Variants in ZFHX3 observed in about 807,000 individuals in gnomAD.
ZFHX3 encodes zinc finger homeobox protein 3.
In ZFHX3, 42 loss-of-function variants were observed where a neutral mutation model predicts 279.1. The ratio of observed to expected loss-of-function variants is 0.15; its 90% CI spans 0.12 to 0.19. The LOEUF (loss-of-function observed/expected upper bound fraction) is 0.19, where lower values mean the gene tolerates loss of function less well. Among genes scored for constraint, ZFHX3 ranks in the 10% least tolerant of loss-of-function variants. ZFHX3 has a pLI of 1.00. For missense variants in ZFHX3, 4,981 were observed against 4,754.0 expected, an observed-to-expected ratio of 1.05 and a Z score of -1.40; for synonymous variants, 2,293 against 1,957.8, an observed-to-expected ratio of 1.17 and a Z score of -4.52.
At chr16:73,787,849 G>GAA (rs1567410658) in intron 1 of ZFHX3, among the ~76,000 whole-genome samples, 1,909 of 149,222 alleles carry the variant, frequency 0.013, 24 homozygotes, top group African/African-American at 0.045. Context: ...GTGTGTGTGT[G>GAA]TGTGAAAGAG....
chr16:73,549,996 T>G (rs1465685484), intron 2 of ZFHX3, among the ~76,000 whole-genome samples: 1 of 151,934 alleles, frequency 6.6e-6, no homozygotes, highest in Admixed American at 6.6e-5. Context: ...ATAAAACAAT[T>G]TATCTTTATC....
intron 5 of ZFHX3, among the ~76,000 whole-genome samples, chr16:73,245,099 A>T (rs1297552816): frequency 6.6e-6 from 1 of 152,168 alleles, no homozygotes; most frequent in Non-Finnish European, 1.5e-5. Context: ...ACTTGTATGG[A>T]CAATGATAAC....
At chr16:73,251,487 T>C (rs971390588) in intron 5 of ZFHX3, among the ~76,000 whole-genome samples, 2 of 152,136 alleles carry the variant, frequency 1.3e-5, no homozygotes, top group African/African-American at 2.4e-5. Flanking sequence ...ATTTTATAGA[T>C]GGGGAAACTG....
rs185358077 is a variant in ZFHX3 at position 73,884,932 on chromosome 16, A to C, written c.-1608+6719T>G. 9.8e-4 allele frequency among the ~76,000 whole-genome samples: 150 copies of C among 152,304 alleles called. 1 individual carries two copies. The highest frequency in any genetic ancestry group is 3.5e-3 in the African/African-American group (145 of 41,572). On this transcript the variant is annotated intron_variant, in intron 1 of 17. Coordinates refer to the ZFHX3 transcript ENST00000641206. ...CAAATCAGCATAATACACATTACCT[A>C]AATGTTGCCTCCTGTTGTTCAAGCC...
intron 5 of ZFHX3, among the ~76,000 whole-genome samples, chr16:73,175,668 C>T (rs1967647845): frequency 6.6e-6 from 1 of 152,234 alleles, no homozygotes; most frequent in African/African-American, 2.4e-5. Context: ...TTTCCCGCTT[C>T]AAGACCTCAC....
intron 1 of ZFHX3, among the ~76,000 whole-genome samples, chr16:73,785,141 T>C (rs1045546943): frequency 6.6e-6 from 1 of 152,246 alleles, no homozygotes; most frequent in African/African-American, 2.4e-5. Flanking sequence ...TATATAGTTA[T>C]GTAACAGTTT....
At chr16:73,445,253 T>C (rs554257390) in intron 3 of ZFHX3, among the ~76,000 whole-genome samples, 2 of 149,434 alleles carry the variant, frequency 1.3e-5, no homozygotes, top group South Asian at 2.2e-4. Context: ...CATATGTGTA[T>C]ATGTGTGTAT....
At chr16:73,527,349 G>C (rs188834850) in intron 2 of ZFHX3, among the ~76,000 whole-genome samples, 96 of 152,250 alleles carry the variant, frequency 6.3e-4, no homozygotes, top group Admixed American at 2.3e-3. Context: ...TTGTACTTTT[G>C]AGACAGGTTG....
At position 73,589,733 on chromosome 16, in the gene ZFHX3, CAAAAAAAAAAAAAAAAAAAA is replaced by C. The variant is rs59777135; in HGVS notation, c.-1547+90427_-1547+90446del. Among the ~76,000 whole-genome samples the C allele has an allele frequency of 1.4e-3, 42 of 29,590 alleles. 1 individual carries two copies. The highest frequency in any genetic ancestry group is 0.056 in the Middle Eastern group (1 of 18). The allele number at this position is 29,590 out of a possible 152,430, so 19.4% of individuals were successfully genotyped here. A position where few individuals can be genotyped will look rare whatever the true frequency, so the allele number is the denominator to read the frequency against. The stretch of plus-strand genomic sequence containing the variant: ...TGGGTGACAGAGCGAGACTCCGTCT[CAAAAAAAAAAAAAAAAAAAA>C]AAAAAAAAAAAAAAAAAAGAATATA... On this transcript the variant is annotated intron_variant, in intron 2 of 17. Coordinates refer to the ZFHX3 transcript ENST00000641206.
intron 7 of ZFHX3, among the ~76,000 whole-genome samples, chr16:73,110,951 T>G (rs1290757137): frequency 1.3e-5 from 2 of 152,102 alleles, no homozygotes; most frequent in African/African-American, 2.4e-5. Flanking sequence ...GATTTTATGT[T>G]TTTTTTTGAG....
intron 5 of ZFHX3, among the ~76,000 whole-genome samples, chr16:73,183,981 G>T (rs1166728269): frequency 6.6e-6 from 1 of 152,126 alleles, no homozygotes; most frequent in African/African-American, 2.4e-5. Context: ...TTTTGCCAGC[G>T]CATGAATCTG....
At chr16:73,398,763 G>C (rs529657923) in intron 3 of ZFHX3, among the ~76,000 whole-genome samples, 1 of 152,288 alleles carries the variant, frequency 6.6e-6, no homozygotes, top group South Asian at 2.1e-4. Flanking sequence ...GTAGATGATG[G>C]CATGATCCCA....
intron 2 of ZFHX3, among the ~76,000 whole-genome samples, chr16:73,476,171 G>C (rs2018761640): frequency 6.6e-6 from 1 of 151,832 alleles, no homozygotes; most frequent in African/African-American, 2.4e-5. Flanking sequence ...TTAACATAAA[G>C]TTTTTTTGAG....
rs374014781 is a variant in ZFHX3 at position 73,204,162 on chromosome 16, T to C, written c.-1104+52885A>G. ...TTTTTGGCATCAGGGACTGGTTTCA[T>C]GAAAGACAGTTTTTCCACGGACTAT... On this transcript the variant is annotated intron_variant, in intron 5 of 17. Coordinates refer to the ZFHX3 transcript ENST00000641206. Among the ~76,000 whole-genome samples the C allele has an allele frequency of 1.2e-3, 186 of 152,170 alleles. 2 individuals carry two copies. The highest frequency in any genetic ancestry group is 6.2e-3 in the South Asian group (30 of 4,810).
chr16:73,484,037 T>C (rs992425611), intron 2 of ZFHX3, among the ~76,000 whole-genome samples: 10 of 151,696 alleles, frequency 6.6e-5, no homozygotes, highest in South Asian at 2.1e-4. Flanking sequence ...ACGGACTTGA[T>C]TGCAAGAATG....
chr16:73,486,458 T>C (rs1015527386), intron 2 of ZFHX3, among the ~76,000 whole-genome samples: 1 of 152,250 alleles, frequency 6.6e-6, no homozygotes, highest in Non-Finnish European at 1.5e-5. Flanking sequence ...GTTTGTTCAA[T>C]TCTTTGTCAA....
intron 1 of ZFHX3, among the ~76,000 whole-genome samples, chr16:73,010,748 C>T (rs989651006): frequency 4.6e-5 from 7 of 152,196 alleles, no homozygotes; most frequent in African/African-American, 1.7e-4. Flanking sequence ...GAGTTCTACT[C>T]CAGGAGACAT....
chr16:73,431,240 ATT>A lies in ZFHX3; in HGVS notation c.-1291+24761_-1291+24762del, dbSNP rs11309902. ...TTTTTATGGGAATCTGTTTTTTTGT[ATT>A]TTTTTTTTTTATGTCAGCCAGGCAC... On this transcript the variant is annotated intron_variant, in intron 3 of 17. Transcript: ENST00000641206. Among the ~76,000 whole-genome samples, 149 of 149,958 alleles carry A rather than the reference ATT, an allele frequency of 9.9e-4. No individual in the cohort carries two copies. In the Middle Eastern group the frequency reaches 0.014, roughly 14 times the overall value.
chr16:73,432,938 C>A (rs1452383869), intron 3 of ZFHX3, among the ~76,000 whole-genome samples: 4 of 152,194 alleles, frequency 2.6e-5, no homozygotes, highest in Non-Finnish European at 5.9e-5. Flanking sequence ...CATTGCAGTA[C>A]CAACTAGATC....
Sources: allele counts gnomAD v4.1 joint callset (sites outside exome capture counted in the v4.1 genomes callset), GRCh38; gene constraint gnomAD v4.1.1; transcripts MANE v1.5; gene names NCBI Gene and HGNC (gene_info 2026-07-23, HGNC 2026-07-21).